Variants in LRMDA observed in about 807,000 individuals in gnomAD.
LRMDA encodes the protein leucine-rich melanocyte differentiation-associated protein.
In LRMDA, 18 loss-of-function variants were observed where a neutral mutation model predicts 29.8. That is an observed-to-expected ratio of 0.60 (90% CI 0.42 to 0.90). LRMDA has a LOEUF of 0.90. Ranked by LOEUF, LRMDA falls within the 40% of genes least tolerant of loss-of-function variation. The probability of loss-of-function intolerance (pLI) is 0.00; values close to 1 mark genes in which losing one functional copy is unlikely to be tolerated. For synonymous variants in LRMDA, 125 were observed against 109.4 expected (o/e 1.14, Z -0.89); for missense variants, 273 against 273.9 (o/e 1.00, Z 0.02).
intron 2 of LRMDA, among the ~76,000 whole-genome samples, chr10:75,940,773 T>C (rs1399308307): frequency 1.3e-5 from 2 of 151,874 alleles, no homozygotes; most frequent in Non-Finnish European, 2.9e-5. Context: ...TTATGGGGTG[T>C]GTGTGTGTGT....
At chr10:75,692,325 G>GTA (rs1299116219) in intron 2 of LRMDA, among the ~76,000 whole-genome samples, 1 of 137,142 alleles carries the variant, frequency 7.3e-6, no homozygotes, top group Non-Finnish European at 1.6e-5. Flanking sequence ...ATATACATAT[G>GTA]TATATATATG....
intron 2 of LRMDA, among the ~76,000 whole-genome samples, chr10:75,567,486 C>T (rs1340540271): frequency 6.6e-6 from 1 of 152,142 alleles, no homozygotes; most frequent in Non-Finnish European, 1.5e-5. Context: ...TAGATCAGGC[C>T]AAATGATCTT....
At chr10:76,444,287 G>C (rs533367578) in intron 6 of LRMDA, among the ~76,000 whole-genome samples, 17 of 152,262 alleles carry the variant, frequency 1.1e-4, no homozygotes, top group Middle Eastern at 6.8e-3. Context: ...ACCCACCCAG[G>C]CTCAGCCCAG....
chr10:75,467,242 G>A (rs1250474512), intron 2 of LRMDA, among the ~76,000 whole-genome samples: 1 of 152,200 alleles, frequency 6.6e-6, no homozygotes, highest in East Asian at 1.9e-4. Context: ...GGACATTTCA[G>A]GCAGAAGGGC....
At chr10:75,664,159 G>C (rs1841792127) in intron 2 of LRMDA, among the ~76,000 whole-genome samples, 2 of 152,156 alleles carry the variant, frequency 1.3e-5, no homozygotes, top group African/African-American at 4.8e-5. Flanking sequence ...CATGTGTTCT[G>C]TCTCTGGGCT....
chr10:76,215,538 G>GA (rs111919971), intron 5 of LRMDA, among the ~76,000 whole-genome samples: 5,073 of 143,652 alleles, frequency 0.035, 112 homozygotes, highest in East Asian at 0.075. Context: ...ATTCTTTCTT[G>GA]AAAAAAAAAA....
intron 6 of LRMDA, among the ~76,000 whole-genome samples, chr10:76,378,982 G>A (rs140718539): frequency 8.0e-4 from 120 of 149,244 alleles, no homozygotes; most frequent in African/African-American, 2.6e-3. Flanking sequence ...TCAGTCTCCC[G>A]GGTAGCTGGT....
intron 6 of LRMDA, among the ~76,000 whole-genome samples, chr10:76,345,475 A>G (rs528743827): frequency 6.8e-6 from 1 of 148,114 alleles, no homozygotes; most frequent in Non-Finnish European, 1.5e-5. Flanking sequence ...TTTATTTTAT[A>G]TATATTTATA....
At chr10:75,619,997 T>A (rs1268223660) in intron 2 of LRMDA, among the ~76,000 whole-genome samples, 1 of 152,208 alleles carries the variant, frequency 6.6e-6, no homozygotes, top group African/African-American at 2.4e-5. Flanking sequence ...CCAGCTTTCC[T>A]ACCATGTTGT....
chr10:75,558,896 G>A (rs1472063174), intron 2 of LRMDA, among the ~76,000 whole-genome samples: 1 of 143,690 alleles, frequency 7.0e-6, no homozygotes, highest in East Asian at 2.1e-4. Context: ...ATTCCATGGT[G>A]TATATGTGCC....
rs184646177 is a variant in LRMDA at position 75,758,460 on chromosome 10, C to T, written c.132-277548C>T. Reference sequence around the variant, plus strand: ...TTATCCCTCAGCCCCGGCTGGGACCCGTCAGCGTTGCTCAGTCCCCTCACT... The same window carrying T: ...TTATCCCTCAGCCCCGGCTGGGACCTGTCAGCGTTGCTCAGTCCCCTCACT... On this transcript the variant is annotated intron_variant, in intron 2 of 6. Transcript: ENST00000611255. Among the ~76,000 whole-genome samples the T allele has an allele frequency of 1.0e-3, 157 of 152,322 alleles. 2 individuals carry two copies. The highest frequency in any genetic ancestry group is 8.8e-3 in the Admixed American group (134 of 15,296).
At chr10:75,447,475 A>C (rs1648522682) in intron 2 of LRMDA, among the ~76,000 whole-genome samples, 1 of 152,148 alleles carries the variant, frequency 6.6e-6, no homozygotes, top group South Asian at 2.1e-4. Context: ...GCAATGAGCC[A>C]AGATCACACC....
intron 2 of LRMDA, among the ~76,000 whole-genome samples, chr10:75,526,353 C>G (rs2132040123): frequency 6.6e-6 from 1 of 152,090 alleles, no homozygotes; most frequent in African/African-American, 2.4e-5. Flanking sequence ...GCACGAACTA[C>G]TGTGCCCAGT....
At chr10:75,499,399 G>A (rs1845086371) in intron 2 of LRMDA, among the ~76,000 whole-genome samples, 1 of 152,176 alleles carries the variant, frequency 6.6e-6, no homozygotes, top group Admixed American at 6.5e-5. Flanking sequence ...CAAGCTGCCT[G>A]GAGTGAGGGT....
chr10:76,172,411 G>T (rs943782811), intron 5 of LRMDA, among the ~76,000 whole-genome samples: 1 of 152,234 alleles, frequency 6.6e-6, no homozygotes, highest in Non-Finnish European at 1.5e-5. Context: ...CTGCAGTGCA[G>T]GGAGGGCCAA....
chr10:76,025,025 A>C (rs572755368), intron 2 of LRMDA, among the ~76,000 whole-genome samples: 227 of 152,224 alleles, frequency 1.5e-3, no homozygotes, highest in African/African-American at 5.4e-3. Flanking sequence ...GAAAACCCCC[A>C]TTTATAGAAC....
chr10:76,055,063 C>CAAAAAAAAA (rs531729040), intron 4 of LRMDA, among the ~76,000 whole-genome samples: 25 of 45,894 alleles, frequency 5.4e-4, no homozygotes, highest in African/African-American at 7.2e-4. Flanking sequence ...GACTCCATCT[C>CAAAAAAAAA]AAAAAAAAAA....
At chr10:76,201,166 G>A (rs1851421822) in intron 5 of LRMDA, among the ~76,000 whole-genome samples, 1 of 148,570 alleles carries the variant, frequency 6.7e-6, no homozygotes, top group Non-Finnish European at 1.5e-5. Flanking sequence ...GTGTGATCTC[G>A]GCTCCCCGTA....
intron 2 of LRMDA, among the ~76,000 whole-genome samples, chr10:75,836,720 G>T (rs536014953): frequency 1.5e-3 from 228 of 152,226 alleles, no homozygotes; most frequent in Non-Finnish European, 1.9e-3. Context: ...AATCTTCTCT[G>T]TCCTTCAAGG....
Sources: gnomAD v4.1 joint callset for allele counts (sites outside exome capture counted in the v4.1 genomes callset) on GRCh38, gnomAD v4.1.1 for gene constraint, MANE v1.5 for transcripts, NCBI Gene and HGNC (gene_info 2026-07-23, HGNC 2026-07-21) for gene names.